The following ZNF302 variants were observed in gnomAD, a reference collection of about 807,000 sequenced individuals.
The protein encoded by ZNF302 is zinc finger protein 302, also known as zinc finger protein 327.
In ZNF302, 12 loss-of-function variants were observed where a neutral mutation model predicts 10.8. The ratio of observed to expected loss-of-function variants is 1.11; its 90% CI spans 0.71 to 1.79. ZNF302 has a LOEUF of 1.79. Ranked by LOEUF, ZNF302 falls within the 40% of genes most tolerant of loss-of-function variation. The pLI, the probability that ZNF302 is intolerant of heterozygous loss-of-function variation, is 0.00. For missense variants in ZNF302, 461 were observed against 471.1 expected, an observed-to-expected ratio of 0.98 and a Z score of 0.20; for synonymous variants, 178 against 157.5, an observed-to-expected ratio of 1.13 and a Z score of -0.98.
intron 2 of ZNF302, among the ~76,000 whole-genome samples, chr19:34,680,547 G>A (rs1323033252): frequency 6.6e-6 from 1 of 152,034 alleles, no homozygotes; most frequent in African/African-American, 2.4e-5. Flanking sequence ...GAAGATTGTG[G>A]CACTGGTAGA....
rs1490743667 is a variant in ZNF302 at position 34,685,141 on chromosome 19, A to G, written c.1104A>G (p.Lys368=). 1 of 1,611,224 alleles carries G rather than the reference A, an allele frequency of 6.2e-7. No homozygotes were observed. The highest frequency in any genetic ancestry group is 1.1e-5 in the South Asian group (1 of 90,478). The change falls in exon 5 of 5, where the codon AAA becomes AAG. Residue 368 remains lysine, a synonymous_variant. Transcript: ENST00000505242. The part of the protein sequence containing the change: ...QHQRIHSMKK[K]YECNKCLKVF... The stretch of plus-strand genomic sequence containing the variant: ...AAAGAATTCACAGTATGAAGAAAAA[A>G]TATGAATGCAACAAATGTCTCAAGG...
chr19:34,683,093 G>A, intron 3 of ZNF302, 62 bp from the exon 4 acceptor site: 1 of 1,606,536 alleles, frequency 6.2e-7, no homozygotes, highest in Non-Finnish European at 8.5e-7. Context: ...GGTCCCTCTT[G>A]TGATGGCCTC....
rs116415398 is a variant in ZNF302, at chr19:34,678,569, G to T, written c.-68-168G>T. On this transcript the variant is annotated intron_variant, in intron 1 of 4. Coordinates refer to ENST00000505242, the MANE Select transcript of ZNF302 (RefSeq NM_001289187.2). The stretch of plus-strand genomic sequence containing the variant: ...GAATAATTGATTTTCCCCGCAGGTG[G>T]CACCTGGTAAATAGCCCTTGCGGAG... Among the ~76,000 whole-genome samples, 807 of 152,284 alleles carry T rather than the reference G, an allele frequency of 5.3e-3. 14 individuals carry two copies. The highest frequency in any genetic ancestry group is 0.019 in the African/African-American group (779 of 41,546).
In ZNF302 at chr19:34,684,766, C is replaced by G; in HGVS notation, c.729C>G (p.Ser243=). The G allele has an allele frequency of 1.2e-6, 2 of 1,613,954 alleles. No individual in the cohort carries two copies. The highest frequency in any genetic ancestry group is 1.3e-5 in the African/African-American group (1 of 75,016). The change falls in exon 5 of 5, where the codon TCC becomes TCG. Residue 243 remains serine, a synonymous_variant. Coordinates refer to ENST00000505242, the MANE Select transcript of ZNF302 (RefSeq NM_001289187.2). ...ECGKTFSHGS[S]LTRHQISHSG... is the part of the protein sequence containing the mutation. ...GGAAGACTTTTAGCCATGGTTCATC[C>G]CTTACACGACATCAGATAAGCCATA...
chr19:34,678,777 T>C lies in ZNF302; in HGVS notation c.-28T>C. On this transcript the variant is annotated 5_prime_UTR_variant, in exon 2 of 5. Coordinates refer to ENST00000505242, the MANE Select transcript of ZNF302 (RefSeq NM_001289187.2). ...TAAGATAAGAACCTGGAAAGGGGAC[T>C]CTGTTGGCCATTGGAAATTGCAGAA... is the stretch of plus-strand genomic sequence containing the variant. 6.2e-7 allele frequency: 1 copy of C among 1,613,832 alleles called. No homozygotes were observed.
At chr19:34,682,974 G>A in intron 3 of ZNF302, 77 bp downstream of exon 3, 1 of 1,592,312 alleles carries the variant, frequency 6.3e-7, no homozygotes, top group Non-Finnish European at 8.5e-7. Flanking sequence ...ATTCTCCTAA[G>A]TAAATGGCTG....
Position 34,684,373 on chromosome 19 carries a change from T to G in ZNF302, c.336T>G (p.Ser112=). 1 of 1,603,224 alleles carries G rather than the reference T, an allele frequency of 6.2e-7. No homozygotes were observed. The highest frequency in any genetic ancestry group is 2.2e-5 in the East Asian group (1 of 44,750). The change falls in exon 5 of 5, where the codon TCT becomes TCG. Residue 112 remains serine, a synonymous_variant. Transcript: ENST00000505242. ...AACAAAGTTATGAATTTTCAAATTC[T>G]AATAAGAATTTGGAATATACAGAAT... The part of the protein sequence containing the change: ...VVKQSYEFSN[S]NKNLEYTECD...
chr19:34,684,996 A>G lies in ZNF302; in HGVS notation c.959A>G (p.Lys320Arg), dbSNP rs1323709654. The change falls in exon 5 of 5, where the codon AAG becomes AGG. Residue 320 changes from lysine (K) to arginine (R), a missense_variant. Lys to Arg is a conservative substitution (Grantham distance 26, BLOSUM62 2). Coordinates refer to ENST00000505242, the MANE Select transcript of ZNF302 (RefSeq NM_001289187.2). ...EKRYECRICG[K>R]AFIHSSSLIH... ...CGCTATGAGTGTCGTATATGTGGAA[A>G]GGCCTTCATTCATAGTTCGTCTCTC... 2.5e-6 allele frequency: 4 copies of G among 1,614,026 alleles called. No individual in the cohort carries two copies. The highest frequency in any genetic ancestry group is 3.4e-6 in the Non-Finnish European group (4 of 1,179,962).
At chr19:34,678,915 G>A (rs2068170918) in intron 2 of ZNF302, 102 bp downstream of exon 2, 1 of 1,382,304 alleles carries the variant, frequency 7.2e-7, no homozygotes, top group South Asian at 1.2e-5. Context: ...GTCCATTTAA[G>A]GGACTAGATC....
Position 34,678,787 on chromosome 19 carries a change from A to G in ZNF302, c.-18A>G, listed in dbSNP as rs367610127. The G allele has an allele frequency of 6.2e-7, 1 of 1,613,748 alleles. No individual in the cohort carries two copies. The highest frequency in any genetic ancestry group is 1.3e-5 in the African/African-American group (1 of 74,926). Reference sequence around the variant, plus strand: ...ACCTGGAAAGGGGACTCTGTTGGCCATTGGAAATTGCAGAATAATGTCTCA... The same window carrying G: ...ACCTGGAAAGGGGACTCTGTTGGCCGTTGGAAATTGCAGAATAATGTCTCA... On this transcript the variant is annotated 5_prime_UTR_variant, in exon 2 of 5. Transcript: ENST00000505242.
intron 1 of ZNF302, 50 bp from the exon 2 acceptor site, chr19:34,678,687 A>G: frequency 8.5e-7 from 1 of 1,171,530 alleles, no homozygotes; most frequent in South Asian, 1.3e-5. Context: ...GTGCCGCAAG[A>G]TAAGCCCGAT....
rs1340689577 is a variant in ZNF302, at chr19:34,685,383, G to A, written c.*146G>A. 1.2e-6 allele frequency: 2 copies of A among 1,611,524 alleles called. No homozygotes were observed. The highest frequency in any genetic ancestry group is 1.6e-4 in the Middle Eastern group (1 of 6,078). On this transcript the variant is annotated 3_prime_UTR_variant, in exon 5 of 5. Coordinates refer to ENST00000505242, the MANE Select transcript of ZNF302 (RefSeq NM_001289187.2). ...CTTCAACATCACAGTATTCATACTG[G>A]AGAGAAACCTTACGAATGTATTAAA...
upstream of ZNF302, chr19:34,677,181 A>G (rs1600079470): frequency 7.6e-6 from 1 of 131,534 alleles, no homozygotes; most frequent in Non-Finnish European, 1.6e-5. Flanking sequence ...AAAAAAAAAG[A>G]CCTGAAGGTG....
chr19:34,683,005 G>A (rs562613065), intron 3 of ZNF302, 108 bp downstream of exon 3: 10 of 1,573,294 alleles, frequency 6.4e-6, no homozygotes, highest in Admixed American at 1.8e-5. Context: ...CCATGCTCCC[G>A]AGGAAATGTG....
At position 34,682,885 on chromosome 19, in the gene ZNF302, C is replaced by G. The variant is rs769613391; in HGVS notation, c.118C>G (p.Leu40Val). 1.2e-6 allele frequency: 2 copies of G among 1,613,754 alleles called. No individual in the cohort carries two copies. Among genetic ancestry groups the G allele is most frequent in the Admixed American group, 3.3e-5 (2 of 60,008 alleles). The change falls in exon 3 of 5, where the codon CTG becomes GTG. Residue 40 changes from leucine (L) to valine (V), a missense_variant. Transcript: ENST00000505242. Reference protein sequence around the residue: ...KDVMVQNYENLVSVGLSVTKP... With the variant: ...KDVMVQNYENVVSVGLSVTKP... ...TGTGATGGTCCAGAATTATGAGAAC[C>G]TGGTCTCTGTAGGTAAGGATATCAC...
At chr19:34,683,979 C>T (rs1284187962) in intron 4 of ZNF302, 5 of 1,383,128 alleles carry the variant, frequency 3.6e-6, no homozygotes, top group Non-Finnish European at 2.8e-6. Flanking sequence ...ACTATTTTAT[C>T]CATTTCGTAC....
chr19:34,683,369 A>AT (rs1452238932), intron 4 of ZNF302, 131 bp downstream of exon 4: 17 of 1,034,832 alleles, frequency 1.6e-5, no homozygotes, highest in Non-Finnish European at 2.4e-5. Flanking sequence ...ATTGAGGGAT[A>AT]TTTAGCTTAG....
rs775176566 is a variant in ZNF302, at chr19:34,684,343, T to A, written c.306T>A (p.Val102=). 16 of 1,600,760 alleles carry A rather than the reference T, an allele frequency of 1.0e-5. No homozygotes were observed. In the South Asian group the frequency reaches 1.7e-4, roughly 17 times the overall value. ...CCCAACCAGTAACAATGGAAAAAGT[T>A]GTAAAACAAAGTTATGAATTTTCAA... The part of the protein sequence containing the change: ...DSPQPVTMEK[V]VKQSYEFSNS... The change falls in exon 5 of 5, where the codon GTT becomes GTA. Residue 102 remains valine, a synonymous_variant. Coordinates refer to ENST00000505242, the MANE Select transcript of ZNF302 (RefSeq NM_001289187.2).
Position 34,685,300 on chromosome 19 carries a change from A to G in ZNF302, c.*63A>G. The stretch of plus-strand genomic sequence containing the variant: ...ATATGCATTTGAGAAATCACATTAG[A>G]TTGAAACCCTACGAATGCAGTATAT... On this transcript the variant is annotated 3_prime_UTR_variant, in exon 5 of 5. Transcript: ENST00000505242. The G allele has an allele frequency of 1.2e-6, 2 of 1,614,012 alleles. No homozygotes were observed. Among genetic ancestry groups the G allele is most frequent in the Non-Finnish European group, 1.7e-6 (2 of 1,179,914 alleles).
Sources: allele counts gnomAD v4.1 joint callset (sites outside exome capture counted in the v4.1 genomes callset), GRCh38; gene constraint gnomAD v4.1.1; transcripts MANE v1.5; gene names NCBI Gene and HGNC (gene_info 2026-07-23, HGNC 2026-07-21).